NDC1: variants seen among roughly 807,000 people sequenced by gnomAD.
NDC1 encodes NDC1 transmembrane nucleoporin, also known as nucleoporin NDC1.
Under a neutral mutation model 89.8 loss-of-function variants are expected in NDC1, and 24 were observed. The observed-to-expected ratio is 0.27, with a 90% CI of 0.19 to 0.38. The LOEUF (loss-of-function observed/expected upper bound fraction) is 0.38. Ranked by LOEUF, NDC1 falls within the 10% of genes least tolerant of loss-of-function variation. The pLI, the probability that NDC1 is intolerant of heterozygous loss-of-function variation, is 1.00. For missense variants in NDC1, 728 were observed against 797.6 expected (o/e 0.91, Z 1.05); for synonymous variants, 296 against 284.8 (o/e 1.04, Z -0.39).
At chr1:53,788,432 ATTT>A (rs549869100) in intron 15 of NDC1, among the ~76,000 whole-genome samples, 1 of 148,506 alleles carries the variant, frequency 6.7e-6, no homozygotes, top group Non-Finnish European at 1.5e-5. Context: ...CAAAAAAAAA[ATTT>A]TTTTTTTTGA....
At chr1:53,774,941 C>T (rs1045090623) in intron 16 of NDC1, among the ~76,000 whole-genome samples, 1 of 152,074 alleles carries the variant, frequency 6.6e-6, no homozygotes, top group Non-Finnish European at 1.5e-5. Flanking sequence ...AGAATATAAA[C>T]ACGGCAAATC....
At chr1:53,796,486 A>G (rs1335583439) in intron 13 of NDC1, among the ~76,000 whole-genome samples, 3 of 151,954 alleles carry the variant, frequency 2.0e-5, no homozygotes, top group Admixed American at 1.3e-4. Context: ...TATTTCTTAC[A>G]TGAAGTTATC....
At chr1:53,779,770 C>T (rs1469311285) in intron 16 of NDC1, among the ~76,000 whole-genome samples, 14 of 152,010 alleles carry the variant, frequency 9.2e-5, no homozygotes, top group Admixed American at 9.2e-4. Flanking sequence ...CAGGGTTTTA[C>T]AAAAAACATT....
chr1:53,804,083 C>A, intron 9 of NDC1, 74 bp from the exon 10 acceptor site: 2 of 990,614 alleles, frequency 2.0e-6, no homozygotes, highest in East Asian at 2.4e-5. Context: ...TTGGGTTCAT[C>A]ATTATATATC....
chr1:53,825,299 A>G (rs776369606), intron 5 of NDC1, among the ~76,000 whole-genome samples: 15 of 151,980 alleles, frequency 9.9e-5, no homozygotes, highest in Admixed American at 3.9e-4. Context: ...AATATGGTGA[A>G]ACCCCGTCAC....
chr1:53,815,979 T>C (rs1269115147), intron 6 of NDC1, among the ~76,000 whole-genome samples: 1 of 152,186 alleles, frequency 6.6e-6, no homozygotes, highest in Non-Finnish European at 1.5e-5. Flanking sequence ...ACACATCCCA[T>C]GCTCATGGAT....
intron 17 of NDC1, 42 bp from the exon 18 acceptor site, chr1:53,768,075 T>G: frequency 3.7e-6 from 5 of 1,349,386 alleles, no homozygotes; most frequent in Middle Eastern, 2.4e-4. Context: ...TTATTTTACA[T>G]TAAGCATATT....
chr1:53,818,130 C>T (rs939411015), intron 6 of NDC1, among the ~76,000 whole-genome samples: 11 of 151,962 alleles, frequency 7.2e-5, no homozygotes, highest in African/African-American at 2.7e-4. Flanking sequence ...TGGTAAAAAA[C>T]CTACACATAA....
chr1:53,786,836 A>G (rs1339936308), intron 16 of NDC1, among the ~76,000 whole-genome samples: 1 of 152,090 alleles, frequency 6.6e-6, no homozygotes, highest in African/African-American at 2.4e-5. Context: ...AGCTGGGACT[A>G]CAAGCATACA....
intron 17 of NDC1, 28 bp downstream of exon 17, chr1:53,772,301 C>T: frequency 6.2e-7 from 1 of 1,606,218 alleles, no homozygotes; most frequent in Non-Finnish European, 8.5e-7. Flanking sequence ...GAATAGGTAT[C>T]ATCATGGATC....
intron 5 of NDC1, among the ~76,000 whole-genome samples, chr1:53,825,037 A>G (rs910938116): frequency 6.6e-6 from 1 of 152,008 alleles, no homozygotes; most frequent in Non-Finnish European, 1.5e-5. Flanking sequence ...AGCCAGGCAC[A>G]GTGGTGCACA....
At position 53,832,568 on chromosome 1, in the gene NDC1, A is replaced by C; in HGVS notation, c.202T>G (p.Ser68Ala). ...LSDSFSDLYS[S>A]YVIFYFLLLS... is the part of the protein sequence containing the mutation. Reference sequence around the variant, plus strand: ...AGCAGGAAGTAAAAGATTACATAGGAACTATACAGGTCACTGAAAGAATCT... The same window carrying C: ...AGCAGGAAGTAAAAGATTACATAGGCACTATACAGGTCACTGAAAGAATCT... The change falls in exon 3 of 18, where the codon TCC becomes GCC. Residue 68 changes from serine (S) to alanine (A), a missense_variant. By Grantham distance (99) the Ser-to-Ala change is moderately conservative (BLOSUM62 1). Transcript: ENST00000371429. 6.3e-7 allele frequency: 1 copy of C among 1,583,812 alleles called. No individual in the cohort carries two copies. Among genetic ancestry groups the C allele is most frequent in the South Asian group, 1.1e-5 (1 of 90,198 alleles).
chr1:53,795,834 T>C (rs542466516), intron 13 of NDC1, among the ~76,000 whole-genome samples: 24 of 152,294 alleles, frequency 1.6e-4, no homozygotes, highest in Non-Finnish European at 2.6e-4. Context: ...AGTTACATCA[T>C]ATCATTCTTG....
chr1:53,794,889 A>T (rs541576712), intron 13 of NDC1, among the ~76,000 whole-genome samples: 25 of 152,224 alleles, frequency 1.6e-4, no homozygotes, highest in African/African-American at 4.6e-4. Flanking sequence ...CAAAATTTTT[A>T]AAAAAGTTCC....
At chr1:53,781,076 G>A (rs942593090) in intron 16 of NDC1, among the ~76,000 whole-genome samples, 2 of 151,784 alleles carry the variant, frequency 1.3e-5, no homozygotes, top group African/African-American at 4.8e-5. Flanking sequence ...GGCTGGTCTT[G>A]AACTCCTGAC....
chr1:53,835,583 G>T lies in NDC1; in HGVS notation c.95C>A (p.Ser32Ter). ...GGTGCAGATGGGTAGAAATAGCACT[G>T]ACCAAACAATACTTGCAACTATCCT... ...GWRIVASIVW[S>*]VLFLPICTTV... is the part of the protein sequence containing the mutation. The change falls in exon 2 of 18, where the codon TCA (serine) becomes TAA (stop). Residue 32 changes from serine (S) to a stop codon, truncating the protein, a stop_gained. Coordinates refer to ENST00000371429, the MANE Select transcript of NDC1 (RefSeq NM_018087.5). LOFTEE classifies it high-confidence loss of function. 6.2e-7 allele frequency: 1 copy of T among 1,612,598 alleles called. No individual in the cohort carries two copies. Among genetic ancestry groups the T allele is most frequent in the South Asian group, 1.1e-5 (1 of 90,842 alleles).
chr1:53,828,208 C>T, intron 3 of NDC1, 35 bp from the exon 4 acceptor site: 1 of 1,594,282 alleles, frequency 6.3e-7, no homozygotes, highest in Non-Finnish European at 8.6e-7. Flanking sequence ...GCTTTATAAC[C>T]TACAGCATAT....
At position 53,823,009 on chromosome 1, in the gene NDC1, TGAAA is replaced by T. The variant is rs1648726276; in HGVS notation, c.594+2785_594+2788del. The stretch of plus-strand genomic sequence containing the variant: ...AAAGGTGAAACACTTCTAGAGCTAA[TGAAA>T]GAAAGATAAGCTACGGTGTCCTCCC... On this transcript the variant is annotated intron_variant, in intron 5 of 17. Transcript: ENST00000371429. Among the ~76,000 whole-genome samples the T allele has an allele frequency of 2.6e-5, 4 of 152,240 alleles. 1 individual carries two copies. The highest frequency in any genetic ancestry group is 2.6e-4 in the Admixed American group (4 of 15,306).
At chr1:53,768,140 GA>G in intron 17 of NDC1, 107 bp from the exon 18 acceptor site, 2 of 619,630 alleles carry the variant, frequency 3.2e-6, no homozygotes, top group Admixed American at 3.8e-5. Flanking sequence ...AAAATGAATA[GA>G]AATCTTCACT....
Sources: gnomAD v4.1 joint callset for allele counts (sites outside exome capture counted in the v4.1 genomes callset) on GRCh38, gnomAD v4.1.1 for gene constraint, MANE v1.5 for transcripts, NCBI Gene and HGNC (gene_info 2026-07-23, HGNC 2026-07-21) for gene names.